The following FGF12 variants were observed in gnomAD, a reference collection of about 807,000 sequenced individuals.
The protein encoded by FGF12 is fibroblast growth factor 12B.
FGF12 carries 14 observed loss-of-function variants against 23.6 expected under a neutral mutation model. That is an observed-to-expected ratio of 0.59 (90% CI 0.39 to 0.93). FGF12 has a LOEUF of 0.93. FGF12 is among the 40% of genes least tolerant of loss of function. The pLI is 0.00. For synonymous variants in FGF12, 62 were observed against 77.3 expected, an observed-to-expected ratio of 0.80 and a Z score of 1.04; for missense variants, 175 against 217.8, an observed-to-expected ratio of 0.80 and a Z score of 1.24.
intron 4 of FGF12, among the ~76,000 whole-genome samples, chr3:192,222,880 T>C (rs1718545935): frequency 6.6e-6 from 1 of 152,076 alleles, no homozygotes; most frequent in African/African-American, 2.4e-5. Flanking sequence ...AAAACAACTG[T>C]TCATTAGAAT....
At chr3:192,257,767 G>C (rs971313341) in intron 4 of FGF12, among the ~76,000 whole-genome samples, 1 of 152,024 alleles carries the variant, frequency 6.6e-6, no homozygotes, top group East Asian at 1.9e-4. Flanking sequence ...CATGGTCACA[G>C]GAAAATTGGC....
At chr3:192,686,262 C>A (rs1170590240) in intron 2 of FGF12, among the ~76,000 whole-genome samples, 3 of 152,094 alleles carry the variant, frequency 2.0e-5, no homozygotes, top group Non-Finnish European at 4.4e-5. Flanking sequence ...AAAGGAGAGC[C>A]AACTCTTGCT....
intron 2 of FGF12, among the ~76,000 whole-genome samples, chr3:192,467,273 G>A (rs139411381): frequency 6.6e-6 from 1 of 152,294 alleles, no homozygotes; most frequent in Non-Finnish European, 1.5e-5. Context: ...GTAGCACAAG[G>A]CAGTTCACTC....
chr3:192,590,963 C>T (rs1713597001), intron 2 of FGF12, among the ~76,000 whole-genome samples: 2 of 151,782 alleles, frequency 1.3e-5, no homozygotes, highest in Non-Finnish European at 1.5e-5. Context: ...CTCCCTCTTC[C>T]TCCCATGCAT....
At chr3:192,235,388 A>G (rs992224206) in intron 4 of FGF12, among the ~76,000 whole-genome samples, 1 of 151,978 alleles carries the variant, frequency 6.6e-6, no homozygotes, top group Non-Finnish European at 1.5e-5. Context: ...GCTCACTGCA[A>G]CCTCCACCTC....
At chr3:192,167,791 T>TTTTGAGAAAGAATC (rs1715309774) in intron 5 of FGF12, among the ~76,000 whole-genome samples, 1 of 115,648 alleles carries the variant, frequency 8.6e-6, no homozygotes, top group Non-Finnish European at 1.8e-5. Context: ...TTTTTTTTTT[T>TTTTGAGAAAGAATC]TTGAGAAAGA....
intron 2 of FGF12, among the ~76,000 whole-genome samples, chr3:192,389,081 C>T (rs926714505): frequency 2.0e-5 from 3 of 152,266 alleles, no homozygotes; most frequent in South Asian, 2.1e-4. Flanking sequence ...AATACATGGC[C>T]GGGCGCGGTG....
At chr3:192,421,454 G>A (rs1156927013) in intron 2 of FGF12, among the ~76,000 whole-genome samples, 1 of 151,440 alleles carries the variant, frequency 6.6e-6, no homozygotes, top group Non-Finnish European at 1.5e-5. Flanking sequence ...TTTAGTAGCT[G>A]TAGCAAAGAT....
chr3:192,336,007 T>G lies in FGF12; in HGVS notation c.125-543A>C, dbSNP rs1008506586. Among the ~76,000 whole-genome samples the G allele has an allele frequency of 2.0e-5, 3 of 151,946 alleles. No homozygotes were observed. Among genetic ancestry groups the G allele is most frequent in the African/African-American group, 7.3e-5 (3 of 41,352 alleles). On this transcript the variant is annotated intron_variant, in intron 3 of 5. Transcript: ENST00000445105. The surrounding 1 kb of genome is among the most constrained non-coding windows in gnomAD (Gnocchi z 4.3). ...TTCAGACAAAACTTTTTTCTTGATATCTCAATTTTTTACATGTAAATAAAC... is the reference window on the plus strand; with the variant it reads ...TTCAGACAAAACTTTTTTCTTGATAGCTCAATTTTTTACATGTAAATAAAC...
intron 2 of FGF12, among the ~76,000 whole-genome samples, chr3:192,467,114 G>A (rs1294032625): frequency 6.6e-6 from 1 of 152,136 alleles, no homozygotes; most frequent in African/African-American, 2.4e-5. Flanking sequence ...GACGAATCTA[G>A]AGAGGCCCTG....
chr3:192,195,201 C>A (rs1308696332), intron 4 of FGF12, among the ~76,000 whole-genome samples: 1 of 152,092 alleles, frequency 6.6e-6, no homozygotes, highest in Non-Finnish European at 1.5e-5. Context: ...GTATCATTGG[C>A]CTTTTGTGTT....
At chr3:192,154,910 A>T (rs1311092488) in intron 5 of FGF12, among the ~76,000 whole-genome samples, 1 of 135,222 alleles carries the variant, frequency 7.4e-6, no homozygotes, top group African/African-American at 2.7e-5. Flanking sequence ...CCCCTCCCCC[A>T]GCCTCGCTGC....
intron 2 of FGF12, among the ~76,000 whole-genome samples, chr3:192,457,020 G>A (rs1023088707): frequency 6.6e-6 from 1 of 152,182 alleles, no homozygotes; most frequent in Non-Finnish European, 1.5e-5. Context: ...CCGTGGTAGG[G>A]AATAAGTCTC....
intron 2 of FGF12, among the ~76,000 whole-genome samples, chr3:192,392,918 A>T (rs528942721): frequency 1.3e-5 from 2 of 152,316 alleles, no homozygotes; most frequent in East Asian, 3.9e-4. Context: ...AGACTCTGTG[A>T]TTACAATGTT....
In FGF12 at chr3:192,412,118, A is replaced by G. The variant is rs73193596; in HGVS notation, c.14-51580T>C. ...CCAGGTGTCAAAGTGTCAGAGTTTA[A>G]TGTATGTTTGCAACATAAATAATAC... On this transcript the variant is annotated intron_variant, in intron 2 of 5. Transcript: ENST00000445105. Among the ~76,000 whole-genome samples the G allele has an allele frequency of 4.3e-3, 659 of 152,352 alleles. 3 individuals carry two copies. The highest frequency in any genetic ancestry group is 7.7e-3 in the Non-Finnish European group (524 of 68,024).
chr3:192,355,490 A>G lies in FGF12; in HGVS notation c.124+4938T>C, dbSNP rs117633531. The stretch of plus-strand genomic sequence containing the variant: ...ATGAAAATTGCTTTTGACTGTGTCA[A>G]TGACTTCCAATGAATATCATAAACA... On this transcript the variant is annotated intron_variant, in intron 3 of 5. Coordinates refer to ENST00000445105, the MANE Select transcript of FGF12 (RefSeq NM_004113.6). 6.4e-4 allele frequency among the ~76,000 whole-genome samples: 97 copies of G among 152,344 alleles called. 1 individual carries two copies. The East Asian group carries it at 0.015, about 24-fold the overall frequency.
intron 4 of FGF12, among the ~76,000 whole-genome samples, chr3:192,284,674 T>C (rs899273483): frequency 2.6e-4 from 40 of 152,148 alleles, no homozygotes; most frequent in African/African-American, 9.2e-4. Context: ...GGCAAATCAA[T>C]AGAGCTAGAG....
In FGF12 at chr3:192,705,626, T is replaced by C. The variant is rs188146596; in HGVS notation, c.13+21555A>G. ...CAATAATAGCATCAAATATTACAGA[T>C]CACCATGAAAGTTATAATAATAGAA... On this transcript the variant is annotated intron_variant, in intron 2 of 5. Coordinates refer to ENST00000445105, the MANE Select transcript of FGF12 (RefSeq NM_004113.6). Among the ~76,000 whole-genome samples the C allele has an allele frequency of 8.0e-4, 122 of 152,244 alleles. 3 individuals are homozygous for C. The highest frequency in any genetic ancestry group is 2.7e-3 in the African/African-American group (112 of 41,532).
chr3:192,452,361 A>G (rs1353736111), intron 2 of FGF12, among the ~76,000 whole-genome samples: 1 of 152,184 alleles, frequency 6.6e-6, no homozygotes, highest in Non-Finnish European at 1.5e-5. Flanking sequence ...AACTCCACTT[A>G]GCCATAATTT....
Sources: allele counts gnomAD v4.1 joint callset (sites outside exome capture counted in the v4.1 genomes callset), GRCh38; gene constraint gnomAD v4.1.1; non-coding constraint Gnocchi (gnomAD v3.1); transcripts MANE v1.5; gene names NCBI Gene and HGNC (gene_info 2026-07-23, HGNC 2026-07-21).